Variants in OPHN1 observed in about 807,000 individuals in gnomAD.
OPHN1 encodes the protein oligophrenin 1, also known as oligophrenin-1.
A neutral mutation model predicts 60.7 loss-of-function variants in OPHN1; 11 were observed. The observed-to-expected ratio is 0.18, with a 90% CI of 0.11 to 0.30. The LOEUF (loss-of-function observed/expected upper bound fraction) is 0.30, where lower values mean the gene tolerates loss of function less well. Ranked by LOEUF, OPHN1 falls within the 10% of genes least tolerant of loss-of-function variation. The pLI, the probability that OPHN1 is intolerant of heterozygous loss-of-function variation, is 1.00. For missense variants in OPHN1, 449 were observed against 611.0 expected (o/e 0.73, Z 2.80); for synonymous variants, 226 against 222.6 (o/e 1.02, Z -0.14).
At chrX:68,148,080 G>T (rs2077271062) in intron 15 of OPHN1, among the ~76,000 whole-genome samples, 1 of 111,060 alleles carries the variant, frequency 9.0e-6, no homozygotes, top group African/African-American at 3.3e-5. Flanking sequence ...AAATGACATT[G>T]CTAGAAGACA....
chrX:68,184,425 G>A (rs1247377339), intron 15 of OPHN1, among the ~76,000 whole-genome samples: 4 of 107,376 alleles, frequency 3.7e-5, no homozygotes, highest in Admixed American at 1.0e-4. Flanking sequence ...GGGAGGCTGA[G>A]GCAGGAGAAT....
intron 15 of OPHN1, among the ~76,000 whole-genome samples, chrX:68,179,777 G>C (rs773769890): frequency 2.7e-5 from 3 of 111,810 alleles, no homozygotes; most frequent in Admixed American, 1.9e-4. Context: ...TGATTTTGGA[G>C]GCTAAGAAAT....
intron 2 of OPHN1, among the ~76,000 whole-genome samples, chrX:68,340,315 A>G (rs2078344910): frequency 1.8e-5 from 2 of 112,489 alleles, no homozygotes; most frequent in Non-Finnish European, 3.7e-5. Flanking sequence ...AAACCTTACT[A>G]CACAGCCACA....
chrX:68,292,071 A>G (rs1471165448), intron 3 of OPHN1, among the ~76,000 whole-genome samples: 1 of 111,620 alleles, frequency 9.0e-6, no homozygotes, highest in Non-Finnish European at 1.9e-5. Flanking sequence ...TGCTTTCCAC[A>G]GTATGTTTTA....
intron 19 of OPHN1, among the ~76,000 whole-genome samples, chrX:68,092,810 A>G (rs1216482310): frequency 8.9e-6 from 1 of 111,780 alleles, no homozygotes; most frequent in African/African-American, 3.2e-5. Flanking sequence ...TTAAGTTGGC[A>G]TTTGCCCCTA....
chrX:68,274,694 C>T lies in OPHN1; in HGVS notation c.384+44G>A, dbSNP rs370789128. On this transcript the variant is annotated intron_variant, in intron 5 of 24. Transcript: ENST00000355520. ...AAGAATAGTAGCCCATACAACTATT[C>T]GATTGCTATTTTAAAAAATCTTATG... 2.2e-4 allele frequency: 201 copies of T among 906,357 alleles called. 1 individual carries two copies. The highest frequency in any genetic ancestry group is 2.8e-4 in the Non-Finnish European group (174 of 622,179). The allele number at this position is 906,357 out of a possible 1,213,427, so 74.7% of individuals were successfully genotyped here.
In OPHN1 at chrX:68,333,688, GACAC is replaced by G. The variant is rs756801078; in HGVS notation, c.155-34596_155-34593del. 1.5e-3 allele frequency among the ~76,000 whole-genome samples: 153 copies of G among 104,295 alleles called. 1 individual carries two copies. The highest frequency in any genetic ancestry group is 7.3e-4 in the African/African-American group (21 of 28,863). 90.6% of individuals were successfully genotyped at this position (104,295 alleles called of 115,157 possible). On this transcript the variant is annotated intron_variant, in intron 2 of 24. Coordinates refer to ENST00000355520, the MANE Select transcript of OPHN1 (RefSeq NM_002547.3). ...GCGTGCGTGCACACACACACACACA[GACAC>G]ACACACACACACACACACGCACCTC...
chrX:68,221,680 C>G (rs1483535984), intron 6 of OPHN1, among the ~76,000 whole-genome samples: 1 of 69,740 alleles, frequency 1.4e-5, no homozygotes, highest in Non-Finnish European at 2.9e-5. Context: ...AAATGGGGAA[C>G]GATTCCCTAT....
intron 6 of OPHN1, among the ~76,000 whole-genome samples, chrX:68,219,884 A>G (rs1373926703): frequency 1.0e-5 from 1 of 95,570 alleles, no homozygotes; most frequent in Non-Finnish European, 2.1e-5. Context: ...GAAAAGTAAG[A>G]GCAAACACAT....
intron 19 of OPHN1, among the ~76,000 whole-genome samples, chrX:68,076,281 A>G (rs1421929205): frequency 9.0e-6 from 1 of 110,874 alleles, no homozygotes; most frequent in Non-Finnish European, 1.9e-5. Context: ...GCCACTGAAC[A>G]CCTATTAGAA....
chrX:68,342,986 G>C (rs1417705240), intron 2 of OPHN1, among the ~76,000 whole-genome samples: 1 of 110,654 alleles, frequency 9.0e-6, no homozygotes. Context: ...CGAAGAAGAA[G>C]AAAAGTCTGG....
intron 15 of OPHN1, among the ~76,000 whole-genome samples, chrX:68,134,634 T>C (rs2077211647): frequency 9.0e-6 from 1 of 111,330 alleles, no homozygotes; most frequent in Non-Finnish European, 1.9e-5. Flanking sequence ...GGATCATGGT[T>C]TGCTTGGGAG....
intron 19 of OPHN1, among the ~76,000 whole-genome samples, chrX:68,091,994 TAAAAA>T: frequency 9.0e-6 from 1 of 110,604 alleles, no homozygotes; most frequent in East Asian, 2.8e-4. Flanking sequence ...TTCAAGTTGT[TAAAAA>T]AAAATTTTAA....
intron 5 of OPHN1, among the ~76,000 whole-genome samples, chrX:68,267,958 CAT>C (rs1454787232): frequency 8.9e-6 from 1 of 111,831 alleles, no homozygotes; most frequent in African/African-American, 3.3e-5. Context: ...TTCCTCGACA[CAT>C]ATACCCTCCC....
chrX:68,213,384 A>G (rs72627682), intron 7 of OPHN1, among the ~76,000 whole-genome samples: 21,528 of 110,260 alleles, frequency 0.2, 1,856 homozygotes, highest in African/African-American at 0.33. Context: ...AAATGGAAAA[A>G]TCTACACAAA....
intron 2 of OPHN1, among the ~76,000 whole-genome samples, chrX:68,369,962 A>G (rs1405627539): frequency 1.0e-5 from 1 of 100,143 alleles, no homozygotes; most frequent in Non-Finnish European, 2.0e-5. Context: ...CCAATATCTC[A>G]TCAGAAACTA....
At chrX:68,145,527 C>A (rs777381514) in intron 15 of OPHN1, among the ~76,000 whole-genome samples, 16 of 111,506 alleles carry the variant, frequency 1.4e-4, no homozygotes, top group African/African-American at 4.9e-4. Flanking sequence ...AATATAAAGA[C>A]AAAAAGGTGG....
intron 19 of OPHN1, among the ~76,000 whole-genome samples, chrX:68,081,063 T>A (rs865851139): frequency 9.0e-6 from 1 of 111,698 alleles, no homozygotes; most frequent in African/African-American, 3.3e-5. Context: ...CAGCAGAGAT[T>A]TTTTTTCGTG....
In OPHN1 at chrX:68,407,480, T is replaced by C. The variant is rs894995632; in HGVS notation, c.154+25387A>G. 2.7e-5 allele frequency among the ~76,000 whole-genome samples: 3 copies of C among 112,134 alleles called. No individual in the cohort carries two copies. The South Asian group carries it at 1.1e-3, about 42-fold the overall frequency. On this transcript the variant is annotated intron_variant, in intron 2 of 24. Transcript: ENST00000355520. ...TCAAAAGGCCAACATTTAAATCCAT[T>C]GCTCTACCACTTTTATGAATATGTT...
Sources: allele counts gnomAD v4.1 joint callset (sites outside exome capture counted in the v4.1 genomes callset), GRCh38; gene constraint gnomAD v4.1.1; transcripts MANE v1.5; gene names NCBI Gene and HGNC (gene_info 2026-07-23, HGNC 2026-07-21).